Variants in SLC16A2 observed in about 807,000 individuals in gnomAD.
SLC16A2 encodes the protein solute carrier family 16 member 2, also known as monocarboxylate transporter 8.
In SLC16A2, 3 loss-of-function variants were observed where a neutral mutation model predicts 27.2. The ratio of observed to expected loss-of-function variants is 0.11; its 90% CI spans 0.05 to 0.28. The LOEUF is 0.28. SLC16A2 is among the 10% of genes least tolerant of loss of function. SLC16A2 has a pLI of 1.00. For synonymous variants in SLC16A2, 202 were observed against 187.8 expected (o/e 1.08, Z -0.62); for missense variants, 295 against 458.5 (o/e 0.64, Z 3.26).
chrX:74,433,154 T>C (rs1241977192), intron 1 of SLC16A2, among the ~76,000 whole-genome samples: 1 of 111,223 alleles, frequency 9.0e-6, no homozygotes, highest in African/African-American at 3.3e-5. Context: ...GGTGGATCAC[T>C]TGAGGTCAGG....
chrX:74,497,811 T>C (rs1929962531), intron 1 of SLC16A2, among the ~76,000 whole-genome samples: 1 of 105,061 alleles, frequency 9.5e-6, no homozygotes, highest in African/African-American at 3.5e-5. Context: ...CTGCCCCTTT[T>C]GTACATCCTT....
intron 1 of SLC16A2, among the ~76,000 whole-genome samples, chrX:74,427,815 A>ACGCGTG (rs1928437624): frequency 6.8e-5 from 5 of 73,497 alleles, no homozygotes; most frequent in African/African-American, 1.8e-4. Context: ...GCGCGCGCAC[A>ACGCGTG]CACACACACA....
At chrX:74,515,689 G>C (rs746360872) in intron 1 of SLC16A2, among the ~76,000 whole-genome samples, 1 of 111,565 alleles carries the variant, frequency 9.0e-6, no homozygotes, top group South Asian at 3.8e-4. Context: ...CAGTAAGAGA[G>C]AAATGACACG....
chrX:74,514,163 A>T (rs765323091), intron 1 of SLC16A2, among the ~76,000 whole-genome samples: 1 of 110,683 alleles, frequency 9.0e-6, no homozygotes, highest in African/African-American at 3.3e-5. Context: ...GGGATCTAAG[A>T]AAAAACGTAA....
At chrX:74,486,037 C>T (rs1482650430) in intron 1 of SLC16A2, among the ~76,000 whole-genome samples, 2 of 112,120 alleles carry the variant, frequency 1.8e-5, no homozygotes, top group Non-Finnish European at 3.8e-5. Flanking sequence ...CCACTCCCAG[C>T]TCGAATGCCT....
At chrX:74,474,477 TG>T (rs750984199) in intron 1 of SLC16A2, among the ~76,000 whole-genome samples, 6 of 93,262 alleles carry the variant, frequency 6.4e-5, no homozygotes, top group African/African-American at 1.6e-4. Flanking sequence ...GATTCCTTAG[TG>T]TTTTTTTTTT....
intron 1 of SLC16A2, among the ~76,000 whole-genome samples, chrX:74,430,580 A>T (rs1928518681): frequency 1.8e-5 from 2 of 112,301 alleles, no homozygotes; most frequent in Middle Eastern, 4.6e-3. Context: ...TTCTCTTCAA[A>T]ATGCAAATCA....
chrX:74,487,542 A>G (rs1929744246), intron 1 of SLC16A2, among the ~76,000 whole-genome samples: 1 of 112,090 alleles, frequency 8.9e-6, no homozygotes, highest in Non-Finnish European at 1.9e-5. Context: ...TTTAATAGTG[A>G]GTTGTGGGTC....
intron 1 of SLC16A2, among the ~76,000 whole-genome samples, chrX:74,461,546 T>A (rs1929144255): frequency 9.0e-6 from 1 of 110,911 alleles, no homozygotes; most frequent in Non-Finnish European, 1.9e-5. Flanking sequence ...GACATCTCTG[T>A]GCAGCTTATT....
chrX:74,440,990 G>C (rs780843461), intron 1 of SLC16A2, among the ~76,000 whole-genome samples: 3 of 110,963 alleles, frequency 2.7e-5, no homozygotes, highest in Non-Finnish European at 3.8e-5. Context: ...TTTTGTGAGA[G>C]GGAGTCTGTC....
At chrX:74,527,046 C>T (rs1177470658) in intron 4 of SLC16A2, among the ~76,000 whole-genome samples, 1 of 111,840 alleles carries the variant, frequency 8.9e-6, no homozygotes, top group Non-Finnish European at 1.9e-5. Context: ...AGTCGTATAA[C>T]TCATGTGATT....
rs140303247 is a variant in SLC16A2, at chrX:74,531,435, A to G, written c.1502A>G (p.His501Arg). 9.9e-5 allele frequency: 120 copies of G among 1,209,712 alleles called. No individual in the cohort carries two copies. Among genetic ancestry groups the G allele is most frequent in the Admixed American group, 3.5e-4 (16 of 45,835 alleles). ...ATCCTCTTCTTCGTCCCTCTGATGC[A>G]TCAAAGGATGTTCAAGAAAGAGCAG... ...AVILFFVPLM[H>R]QRMFKKEQRD... Residue 501 changes from histidine (H) to arginine (R), a missense_variant, in exon 6 of 6, where the codon CAT becomes CGT. This residue lies in a region of SLC16A2 where 144 missense variants were observed against 219.8 expected (regional missense o/e 0.66). Transcript: ENST00000587091.
intron 1 of SLC16A2, among the ~76,000 whole-genome samples, chrX:74,470,673 G>A (rs746770198): frequency 3.2e-4 from 36 of 111,707 alleles, no homozygotes; most frequent in Admixed American, 4.8e-4. Context: ...TATGCCAGGC[G>A]CGGTGGCTAA....
intron 1 of SLC16A2, chrX:74,474,022 C>A: frequency 5.5e-6 from 1 of 180,205 alleles, no homozygotes; most frequent in South Asian, 2.3e-4. Flanking sequence ...AGCTGTTGTT[C>A]ATTTTTCAAG....
At chrX:74,437,337 G>A (rs1005612806) in intron 1 of SLC16A2, among the ~76,000 whole-genome samples, 1 of 112,542 alleles carries the variant, frequency 8.9e-6, no homozygotes, top group Non-Finnish European at 1.9e-5. Flanking sequence ...TGATACGGAA[G>A]AGGAATGTGT....
chrX:74,503,111 C>T (rs1198782432), intron 1 of SLC16A2, among the ~76,000 whole-genome samples: 1 of 109,417 alleles, frequency 9.1e-6, no homozygotes, highest in African/African-American at 3.3e-5. Context: ...CATCACAGAG[C>T]CTCTACAAGA....
At chrX:74,465,101 A>C (rs927916839) in intron 1 of SLC16A2, among the ~76,000 whole-genome samples, 5 of 111,803 alleles carry the variant, frequency 4.5e-5, no homozygotes, top group African/African-American at 1.6e-4. Flanking sequence ...GGTGTGAAAA[A>C]CTGTTAATGA....
intron 1 of SLC16A2, among the ~76,000 whole-genome samples, chrX:74,441,457 T>C (rs1242881384): frequency 4.5e-5 from 5 of 111,963 alleles, no homozygotes; most frequent in Non-Finnish European, 7.5e-5. Context: ...AATCCATGCA[T>C]TGGAATAAAA....
chrX:74,473,790 G>A (rs753676857), intron 1 of SLC16A2: 1 of 601,618 alleles, frequency 1.7e-6, no homozygotes, highest in African/African-American at 2.2e-5. Flanking sequence ...CCCCTGGAGG[G>A]CTTGGTGTTT....
Sources: gnomAD v4.1 joint callset for allele counts (sites outside exome capture counted in the v4.1 genomes callset) on GRCh38, gnomAD v4.1.1 for gene constraint, gnomAD v4.1.1 regional missense constraint, MANE v1.5 for transcripts, NCBI Gene and HGNC (gene_info 2026-07-23, HGNC 2026-07-21) for gene names.